RIMS3: variants seen among roughly 807,000 people sequenced by gnomAD.
The protein encoded by RIMS3 is regulating synaptic membrane exocytosis 3.
Under a neutral mutation model 29.2 loss-of-function variants are expected in RIMS3, and 15 were observed. That is an observed-to-expected ratio of 0.51 (90% CI 0.34 to 0.79). The LOEUF (loss-of-function observed/expected upper bound fraction) is 0.79. RIMS3 is among the 30% of genes least tolerant of loss of function. The pLI is 0.01. For synonymous variants in RIMS3, 161 were observed against 170.1 expected (o/e 0.95, Z 0.41); for missense variants, 342 against 421.4 (o/e 0.81, Z 1.65).
In RIMS3 at chr1:40,654,579, C is replaced by A. The variant is rs1265256365; in HGVS notation, c.-206-6737G>T. On this transcript the variant is annotated intron_variant, in intron 1 of 7. Coordinates refer to ENST00000372684, the MANE Select transcript of RIMS3 (RefSeq NM_014747.3). This position sits in a 1 kb window ranked among gnomAD's most constrained non-coding sequence, Gnocchi z 5.3. Reference sequence around the variant, plus strand: ...CATGCACACAAAAACACACCTTGTGCACCACAGACTCACATGGCATGGAGA... The same window carrying A: ...CATGCACACAAAAACACACCTTGTGAACCACAGACTCACATGGCATGGAGA... Among the ~76,000 whole-genome samples, 3 of 151,954 alleles carry A rather than the reference C, an allele frequency of 2.0e-5. No homozygotes were observed. The highest frequency in any genetic ancestry group is 4.8e-5 in the African/African-American group (2 of 41,358).
At chr1:40,630,627 G>A (rs941795394) in intron 5 of RIMS3, among the ~76,000 whole-genome samples, 3 of 152,204 alleles carry the variant, frequency 2.0e-5, no homozygotes, top group Non-Finnish European at 4.4e-5. Flanking sequence ...AGAAGGGAAG[G>A]TCTTAGGAAT....
At chr1:40,688,362 C>T in the RIMS3 span, among the ~76,000 whole-genome samples, 125 of 152,290 alleles carry the variant, frequency 8.2e-4, no homozygotes, top group Non-Finnish European at 1.6e-3. Context: ...TTATACAGTG[C>T]TATAACCTTA....
rs949902079 is a variant in RIMS3 at position 40,622,127 on chromosome 1, C to G, written c.*4390G>C. 1.3e-5 allele frequency: 2 copies of G among 152,634 alleles called. No homozygotes were observed. Among genetic ancestry groups the G allele is most frequent in the African/African-American group, 4.8e-5 (2 of 41,438 alleles). The allele number at this position is 152,634 out of a possible 1,614,324, so 9.5% of individuals were successfully genotyped here. A position where few individuals can be genotyped will look rare whatever the true frequency, so the allele number is the denominator to read the frequency against. On this transcript the variant is annotated 3_prime_UTR_variant, in exon 8 of 8. Coordinates refer to ENST00000372684, the MANE Select transcript of RIMS3 (RefSeq NM_014747.3). The stretch of plus-strand genomic sequence containing the variant: ...AAAGATTAAGCCCTTTATCAGAGAA[C>G]AAGGTCCCACCATCGGGCATGCCAA...
At position 40,626,465 on chromosome 1, in the gene RIMS3, G is replaced by A. The variant is rs893982577; in HGVS notation, c.*52C>T. 1.1e-5 allele frequency: 16 copies of A among 1,475,752 alleles called. No individual in the cohort carries two copies. Among genetic ancestry groups the A allele is most frequent in the Non-Finnish European group, 1.5e-5 (16 of 1,077,022 alleles). 91.4% of individuals were successfully genotyped at this position (1,475,752 alleles called of 1,614,324 possible). On this transcript the variant is annotated 3_prime_UTR_variant, in exon 8 of 8. Transcript: ENST00000372684. ...AGACTATGTACAGGGGAGGACATGG[G>A]GCCAGCAGGCACCCCTCCCCACACC...
chr1:40,638,104 T>C (rs915269284), intron 3 of RIMS3, among the ~76,000 whole-genome samples: 2 of 152,112 alleles, frequency 1.3e-5, no homozygotes, highest in Non-Finnish European at 2.9e-5. Flanking sequence ...CACAGAATCC[T>C]GAAATCTTAG....
At chr1:40,673,922 G>C in the RIMS3 span, among the ~76,000 whole-genome samples, 2 of 150,538 alleles carry the variant, frequency 1.3e-5, no homozygotes, top group Admixed American at 6.6e-5. Context: ...GATTAAATGA[G>C]AAAACATATG....
chr1:40,627,333 A>T (rs917426237), intron 7 of RIMS3, among the ~76,000 whole-genome samples: 1 of 152,032 alleles, frequency 6.6e-6, no homozygotes, highest in African/African-American at 2.4e-5. Flanking sequence ...GGTTCATGCC[A>T]TTCTCCTGCC....
chr1:40,633,627 G>T (rs1004188364), intron 4 of RIMS3, among the ~76,000 whole-genome samples: 2 of 152,190 alleles, frequency 1.3e-5, no homozygotes, highest in Non-Finnish European at 2.9e-5. Flanking sequence ...ATGAGGTGGT[G>T]CCCAGAACAG....
At chr1:40,633,851 T>C (rs1646504405) in intron 4 of RIMS3, among the ~76,000 whole-genome samples, 3 of 152,206 alleles carry the variant, frequency 2.0e-5, no homozygotes, top group African/African-American at 7.2e-5. Context: ...GGAGCTATTA[T>C]CCAGTCTTAC....
the RIMS3 span, among the ~76,000 whole-genome samples, chr1:40,684,342 T>C: frequency 1.3e-5 from 2 of 152,208 alleles, no homozygotes; most frequent in Non-Finnish European, 2.9e-5. Flanking sequence ...GCTCTTTCCA[T>C]GAAGCAAGAA....
the RIMS3 span, among the ~76,000 whole-genome samples, chr1:40,689,115 C>T: frequency 6.6e-6 from 1 of 152,186 alleles, no homozygotes; most frequent in African/African-American, 2.4e-5. Flanking sequence ...GTTCACACAA[C>T]ATTACAGGTT....
the RIMS3 span, chr1:40,687,454 T>C: frequency 2.0e-5 from 3 of 151,710 alleles, no homozygotes; most frequent in African/African-American, 4.8e-5. Context: ...ACACAAAAAT[T>C]AGCCGGGCCT....
the RIMS3 span, among the ~76,000 whole-genome samples, chr1:40,686,052 G>A: frequency 6.6e-6 from 1 of 152,146 alleles, no homozygotes; most frequent in Non-Finnish European, 1.5e-5. Flanking sequence ...GGGAGGCTAA[G>A]GCAGGAGAAT....
chr1:40,671,885 C>T, the RIMS3 span, among the ~76,000 whole-genome samples: 2 of 151,712 alleles, frequency 1.3e-5, no homozygotes, highest in Admixed American at 1.3e-4. Flanking sequence ...ACCTCAGTCT[C>T]CCAAGTAGCT....
In RIMS3 at chr1:40,636,893, C is replaced by T. The variant is rs1467127570; in HGVS notation, c.218-836G>A. Among the ~76,000 whole-genome samples the T allele has an allele frequency of 6.6e-6, 1 of 152,224 alleles. No individual in the cohort carries two copies. The highest frequency in any genetic ancestry group is 1.5e-5 in the Non-Finnish European group (1 of 68,040). ...CATCCTGCCTGGGTTTCCATGGCAA[C>T]CTCCTCGGCATTGCAGTGTGGTCCC... On this transcript the variant is annotated intron_variant, in intron 3 of 7. Transcript: ENST00000372684. The surrounding 1 kb of genome is among the most constrained non-coding windows in gnomAD (Gnocchi z 4.2).
intron 1 of RIMS3, among the ~76,000 whole-genome samples, chr1:40,650,241 C>A (rs1646623135): frequency 3.3e-5 from 5 of 152,206 alleles, no homozygotes; most frequent in Non-Finnish European, 7.3e-5. Context: ...ATGCCCCCTT[C>A]CCAGGACAGG....
At chr1:40,690,084 C>G in the RIMS3 span, among the ~76,000 whole-genome samples, 2 of 152,154 alleles carry the variant, frequency 1.3e-5, no homozygotes, top group Non-Finnish European at 1.5e-5. Context: ...CTTCCAGGCT[C>G]TTGGAAGGAA....
At chr1:40,677,568 G>A in the RIMS3 span, among the ~76,000 whole-genome samples, 9 of 152,000 alleles carry the variant, frequency 5.9e-5, no homozygotes, top group East Asian at 1.8e-3. Flanking sequence ...CATGGTGGCG[G>A]GCGCCCGTAG....
chr1:40,648,065 C>T (rs1199575748), intron 1 of RIMS3, among the ~76,000 whole-genome samples: 1 of 152,152 alleles, frequency 6.6e-6, no homozygotes, highest in Non-Finnish European at 1.5e-5. Context: ...TGCTGAAGAC[C>T]CACAACTTTG....
Sources: gnomAD v4.1 joint callset for allele counts (sites outside exome capture counted in the v4.1 genomes callset) on GRCh38, gnomAD v4.1.1 for gene constraint, Gnocchi (gnomAD v3.1) non-coding constraint, MANE v1.5 for transcripts, NCBI Gene and HGNC (gene_info 2026-07-23, HGNC 2026-07-21) for gene names.